TRPM3: variants seen among roughly 807,000 people sequenced by gnomAD.
TRPM3 encodes the protein long transient receptor potential channel 3.
Under a neutral mutation model 181.2 loss-of-function variants are expected in TRPM3, and 77 were observed. That is an observed-to-expected ratio of 0.42 (90% confidence interval 0.35 to 0.51). TRPM3 has a LOEUF of 0.51. Among genes scored for constraint, TRPM3 ranks in the 20% least tolerant of loss-of-function variants. The pLI is 0.01. For synonymous variants in TRPM3, 745 were observed against 796.4 expected (o/e 0.94, Z 1.09); for missense variants, 1,759 against 2,196.7 (o/e 0.80, Z 3.98).
At position 71,315,161 on chromosome 9, in the gene TRPM3, T is replaced by C. The variant is rs567627867; in HGVS notation, c.183+131492A>G. ...TCCAAATTTCCTCTACTTCACTGAG[T>C]CCTTCTCTTTTCCATCTAGACTCAA... On this transcript the variant is annotated intron_variant, in intron 1 of 24. Coordinates refer to the TRPM3 transcript ENST00000357533. Among the ~76,000 whole-genome samples, 3 of 152,248 alleles carry C rather than the reference T, an allele frequency of 2.0e-5. 1 individual carries two copies. The South Asian group carries it at 6.2e-4, about 32-fold the overall frequency.
chr9:70,981,718 T>C (rs1042390162), intron 1 of TRPM3, among the ~76,000 whole-genome samples: 2 of 152,190 alleles, frequency 1.3e-5, no homozygotes, highest in African/African-American at 4.8e-5. Flanking sequence ...TCGTTGTAAG[T>C]ACTCAATTAA....
chr9:71,043,659 G>C lies in TRPM3; in HGVS notation c.177+77519C>G, dbSNP rs547955210. 1.7e-3 allele frequency among the ~76,000 whole-genome samples: 266 copies of C among 152,150 alleles called. 1 individual carries two copies. Among genetic ancestry groups the C allele is most frequent in the Non-Finnish European group, 2.9e-3 (196 of 68,028 alleles). On this transcript the variant is annotated intron_variant, in intron 1 of 25. Coordinates refer to ENST00000677713, the MANE Select transcript of TRPM3 (RefSeq NM_001366145.2). ...TATTGAAATGATTTCCAAAATTTGC[G>C]CCTGGACTAGCAACATCAGCATCAG...
At chr9:71,044,538 G>A (rs2059201683) in intron 1 of TRPM3, among the ~76,000 whole-genome samples, 1 of 152,158 alleles carries the variant, frequency 6.6e-6, no homozygotes, top group African/African-American at 2.4e-5. Context: ...TTAATACGAT[G>A]TTTTTATTGT....
chr9:70,584,385 G>A (rs1255190961), intron 22 of TRPM3, among the ~76,000 whole-genome samples: 1 of 151,970 alleles, frequency 6.6e-6, no homozygotes, highest in Admixed American at 6.6e-5. Flanking sequence ...TTTCACTCTT[G>A]TGCAAAAAAC....
chr9:71,145,807 T>C (rs1449015140), intron 1 of TRPM3, among the ~76,000 whole-genome samples: 1 of 152,064 alleles, frequency 6.6e-6, no homozygotes, highest in Non-Finnish European at 1.5e-5. Flanking sequence ...TCTTATAAAC[T>C]AATTAGAATA....
chr9:70,539,618 A>G (rs2042745595), intron 25 of TRPM3, among the ~76,000 whole-genome samples: 1 of 152,106 alleles, frequency 6.6e-6, no homozygotes, highest in Non-Finnish European at 1.5e-5. Flanking sequence ...ACTCAACGCC[A>G]TGCACTCAGC....
chr9:70,756,963 A>G (rs1273880729), intron 8 of TRPM3, among the ~76,000 whole-genome samples: 1 of 152,196 alleles, frequency 6.6e-6, no homozygotes, highest in Non-Finnish European at 1.5e-5. Context: ...AAAAGCTAGC[A>G]GAAGACAAGA....
At chr9:71,347,538 A>G (rs1211035830) in intron 1 of TRPM3, among the ~76,000 whole-genome samples, 2 of 152,174 alleles carry the variant, frequency 1.3e-5, no homozygotes, top group African/African-American at 4.8e-5. Context: ...GGTTAGTTTT[A>G]AAATCACAAA....
chr9:70,947,228 C>T (rs574819192), intron 1 of TRPM3, among the ~76,000 whole-genome samples: 10 of 152,264 alleles, frequency 6.6e-5, no homozygotes, highest in African/African-American at 2.2e-4. Flanking sequence ...CTGGTGGCTG[C>T]AGAGTTTCAT....
In TRPM3 at chr9:70,604,429, G is replaced by A. The variant is rs11142504; in HGVS notation, c.2668-959C>T. Among the ~76,000 whole-genome samples the A allele has an allele frequency of 1.4e-3, 212 of 152,328 alleles. 1 individual carries two copies. In the East Asian group the frequency reaches 0.033, roughly 24 times the overall value. On this transcript the variant is annotated intron_variant, in intron 19 of 25. Transcript: ENST00000677713. ...CAAGTGAGGTACTCACTGGCCTTAGGGGCCTCAGGGGCTGTGAGCAGGAAC... is the reference window on the plus strand; with the variant it reads ...CAAGTGAGGTACTCACTGGCCTTAGAGGCCTCAGGGGCTGTGAGCAGGAAC...
chr9:70,642,094 G>T (rs1331394478), intron 9 of TRPM3, among the ~76,000 whole-genome samples: 1 of 152,166 alleles, frequency 6.6e-6, no homozygotes, highest in African/African-American at 2.4e-5. Flanking sequence ...TCACGATCGG[G>T]GAGGAGGATA....
At chr9:71,312,919 C>A (rs147272095) in intron 1 of TRPM3, among the ~76,000 whole-genome samples, 1 of 151,908 alleles carries the variant, frequency 6.6e-6, no homozygotes, top group Admixed American at 6.6e-5. Flanking sequence ...AGGCAGAGCA[C>A]GAAGGATTTT....
chr9:70,550,900 A>G (rs7034027), intron 24 of TRPM3, among the ~76,000 whole-genome samples: 129,568 of 152,158 alleles, frequency 0.85, 55,343 homozygotes, highest in East Asian at 0.97. Flanking sequence ...TATCACAGGG[A>G]ACACTTGAGA....
intron 1 of TRPM3, among the ~76,000 whole-genome samples, chr9:71,242,390 T>C (rs530090388): frequency 2.0e-5 from 3 of 152,310 alleles, no homozygotes; most frequent in Admixed American, 2.0e-4. Flanking sequence ...CTCTGAAAAG[T>C]CTCGGTCATG....
intron 8 of TRPM3, among the ~76,000 whole-genome samples, chr9:70,741,671 T>C (rs1403788830): frequency 6.6e-6 from 1 of 152,168 alleles, no homozygotes; most frequent in Admixed American, 6.6e-5. Flanking sequence ...ATGGCATTCA[T>C]AGCAACCTGT....
In TRPM3 at chr9:70,998,228, TAC is replaced by T. The variant is rs34038564; in HGVS notation, c.177+122948_177+122949del. Among the ~76,000 whole-genome samples the T allele has an allele frequency of 3.8e-3, 538 of 143,350 alleles. 1 individual carries two copies. Among genetic ancestry groups the T allele is most frequent in the East Asian group, 6.4e-3 (32 of 4,984 alleles). The allele number at this position is 143,350 out of a possible 152,430, so 94.0% of individuals were successfully genotyped here. A position where few individuals can be genotyped will look rare whatever the true frequency, so the allele number is the denominator to read the frequency against. On this transcript the variant is annotated intron_variant, in intron 1 of 25. Transcript: ENST00000677713. ...ATATATATACACATATATATACATA[TAC>T]ACACACACACACACACACACATATA... is the stretch of plus-strand genomic sequence containing the variant.
chr9:71,127,344 T>C (rs2074106544), intron 1 of TRPM3, among the ~76,000 whole-genome samples: 2 of 109,382 alleles, frequency 1.8e-5, no homozygotes, highest in South Asian at 6.7e-4. Context: ...TAATTTACTC[T>C]TTTTCACCCT....
chr9:71,003,520 C>T (rs2097639351), intron 1 of TRPM3, among the ~76,000 whole-genome samples: 1 of 152,008 alleles, frequency 6.6e-6, no homozygotes, highest in African/African-American at 2.4e-5. Flanking sequence ...GTAAATCCCC[C>T]TCCACAAGGT....
rs373049293 is a variant in TRPM3 at position 70,990,297 on chromosome 9, T to G, written c.178-125786A>C. Reference sequence around the variant, plus strand: ...TGTACAGGCATGAAACAACAATACATCTAAAACCAGTAACTGAGTCCAAAC... The same window carrying G: ...TGTACAGGCATGAAACAACAATACAGCTAAAACCAGTAACTGAGTCCAAAC... On this transcript the variant is annotated intron_variant, in intron 1 of 25. Coordinates refer to ENST00000677713, the MANE Select transcript of TRPM3 (RefSeq NM_001366145.2). 1.8e-3 allele frequency among the ~76,000 whole-genome samples: 271 copies of G among 152,254 alleles called. 2 individuals carry two copies. Among genetic ancestry groups the G allele is most frequent in the African/African-American group, 6.4e-3 (264 of 41,558 alleles).
Sources: allele counts gnomAD v4.1 joint callset (sites outside exome capture counted in the v4.1 genomes callset), GRCh38; gene constraint gnomAD v4.1.1; transcripts MANE v1.5; gene names NCBI Gene and HGNC (gene_info 2026-07-23, HGNC 2026-07-21).